C6orf89: variants seen among roughly 807,000 people sequenced by gnomAD.
C6orf89 encodes bombesin receptor-activated protein C6orf89.
In C6orf89, 29 loss-of-function variants were observed where a neutral mutation model predicts 40.7. That is an observed-to-expected ratio of 0.71 (90% CI 0.53 to 0.97). C6orf89 has a LOEUF of 0.97. C6orf89 is among the 50% of genes least tolerant of loss of function. The pLI is 0.00. For missense variants in C6orf89, 392 were observed against 429.1 expected (o/e 0.91, Z 0.76); for synonymous variants, 165 against 152.2 (o/e 1.08, Z -0.62).
At chr6:36,907,425 A>G (rs372933551) in intron 4 of C6orf89, among the ~76,000 whole-genome samples, 2 of 152,296 alleles carry the variant, frequency 1.3e-5, no homozygotes, top group East Asian at 3.9e-4. Context: ...AATAACTCTC[A>G]GGCACCAGGA....
At chr6:36,891,394 T>C (rs1761204649) in intron 1 of C6orf89, among the ~76,000 whole-genome samples, 1 of 152,222 alleles carries the variant, frequency 6.6e-6, no homozygotes, top group Non-Finnish European at 1.5e-5. Context: ...AGTCTATCAT[T>C]GATGGACATT....
At chr6:36,891,506 A>G (rs938035995) in intron 1 of C6orf89, among the ~76,000 whole-genome samples, 6 of 152,212 alleles carry the variant, frequency 3.9e-5, no homozygotes, top group Admixed American at 2.0e-4. Context: ...TTGGGTATAT[A>G]CCCAGTAATG....
upstream of C6orf89, chr6:36,885,935 G>C: frequency 8.3e-7 from 1 of 1,210,004 alleles, no homozygotes; most frequent in Non-Finnish European, 1.1e-6. Context: ...TTGCTTCCGG[G>C]TCGCGCTCCC....
In C6orf89 at chr6:36,914,450, G is replaced by C; in HGVS notation, c.555+15G>C. 2 of 1,614,072 alleles carry C rather than the reference G, an allele frequency of 1.2e-6. No individual in the cohort carries two copies. Among genetic ancestry groups the C allele is most frequent in the Non-Finnish European group, 1.7e-6 (2 of 1,179,924 alleles). The stretch of plus-strand genomic sequence containing the variant: ...TGGTGATCAAGGTGAGCAGAAGCCT[G>C]AGTCTCCCGCTGATTGGCTGCTTGC... On this transcript the variant is annotated intron_variant, in intron 5 of 8. Transcript: ENST00000480824.
rs1762607765 is a variant in C6orf89, at chr6:36,924,148, C to A, written c.*707C>A. 1 of 155,446 alleles carries A rather than the reference C, an allele frequency of 6.4e-6. No homozygotes were observed. 9.6% of individuals were successfully genotyped at this position (155,446 alleles called of 1,614,324 possible). On this transcript the variant is annotated 3_prime_UTR_variant, in exon 9 of 9. Coordinates refer to ENST00000480824, the MANE Select transcript of C6orf89 (RefSeq NM_001286635.2). ...TTTTATCCCCACTGCACCCCCTCCC[C>A]TTCTCCCTTGCCTATCTGGATGGCT...
rs1775025782 is a variant in C6orf89, at chr6:36,887,182, TCTG to T, written c.-120+1157_-120+1159del. 2.0e-5 allele frequency among the ~76,000 whole-genome samples: 3 copies of T among 151,962 alleles called. 1 individual carries two copies. The South Asian group carries it at 6.2e-4, about 32-fold the overall frequency. On this transcript the variant is annotated intron_variant, in intron 1 of 8. Coordinates refer to ENST00000480824, the MANE Select transcript of C6orf89 (RefSeq NM_001286635.2). ...CAGGCTGGAGTGCAGTGGCGTGATC[TCTG>T]CTCACTGCAAGCTCCGCCTCCCCGG...
intron 8 of C6orf89, among the ~76,000 whole-genome samples, chr6:36,920,122 C>T (rs1017999963): frequency 3.3e-5 from 5 of 152,116 alleles, no homozygotes; most frequent in Non-Finnish European, 5.9e-5. Flanking sequence ...CAATCAAGGA[C>T]TACAGGAATA....
chr6:36,904,564 G>A (rs752479572), intron 4 of C6orf89, among the ~76,000 whole-genome samples: 3 of 152,198 alleles, frequency 2.0e-5, no homozygotes, highest in South Asian at 2.1e-4. Context: ...TTAAAAACAC[G>A]TAATTATATG....
rs554865894 is a variant in C6orf89, at chr6:36,896,991, G to C, written c.-20+2388G>C. On this transcript the variant is annotated intron_variant, in intron 2 of 8. Coordinates refer to ENST00000480824, the MANE Select transcript of C6orf89 (RefSeq NM_001286635.2). Reference sequence around the variant, plus strand: ...AAAAATCCAAAAAAATTTGCTGGGCGTGGTGGTGGGTACCTGTAATCCCGC... The same window carrying C: ...AAAAATCCAAAAAAATTTGCTGGGCCTGGTGGTGGGTACCTGTAATCCCGC... Among the ~76,000 whole-genome samples the C allele has an allele frequency of 1.4e-4, 21 of 151,874 alleles. No homozygotes were observed. In the South Asian group the frequency reaches 4.4e-3, roughly 32 times the overall value.
intron 7 of C6orf89, among the ~76,000 whole-genome samples, chr6:36,917,262 A>T (rs1003659926): frequency 6.6e-6 from 1 of 152,160 alleles, no homozygotes; most frequent in South Asian, 2.1e-4. Flanking sequence ...AAAGTGTGGG[A>T]GCCTGGGAAG....
intron 1 of C6orf89, among the ~76,000 whole-genome samples, chr6:36,872,991 G>A (rs4594944): frequency 0.75 from 114,463 of 152,184 alleles, 44,130 homozygotes; most frequent in African/African-American, 0.93. Context: ...TATATGAGGA[G>A]TGTGCTAGAA....
rs756252763 is a variant in C6orf89 at position 36,927,094 on chromosome 6, T to C, written c.*3653T>C. ...AGTGAATGTAGCTGAAACACAACTG[T>C]GTCCAGCCATTTTCCTGTCTCCACA... On this transcript the variant is annotated 3_prime_UTR_variant, in exon 9 of 9. Coordinates refer to ENST00000480824, the MANE Select transcript of C6orf89 (RefSeq NM_001286635.2). 12 of 152,248 alleles carry C rather than the reference T, an allele frequency of 7.9e-5. No homozygotes were observed. The highest frequency in any genetic ancestry group is 1.8e-4 in the Non-Finnish European group (12 of 68,044). The allele number at this position is 152,248 out of a possible 1,614,324, so 9.4% of individuals were successfully genotyped here.
At position 36,877,380 on chromosome 6, in the gene C6orf89, G is replaced by T. The variant is rs181439800; in HGVS notation, c.-627-1628G>T. On this transcript the variant is annotated intron_variant, in intron 1 of 9. Transcript: ENST00000359359. ...ACAATCTCACTCTGTCGCCAGGCTG[G>T]AGTGCAGTGGCACAATCTCAGCTCA... Among the ~76,000 whole-genome samples the T allele has an allele frequency of 3.1e-3, 475 of 152,196 alleles. 2 individuals are homozygous for T. The highest frequency in any genetic ancestry group is 0.011 in the African/African-American group (441 of 41,516).
chr6:36,877,809 A>G (rs758284083), intron 1 of C6orf89, among the ~76,000 whole-genome samples: 11 of 152,326 alleles, frequency 7.2e-5, no homozygotes, highest in Non-Finnish European at 1.3e-4. Flanking sequence ...TTCTTTTTCC[A>G]TATGTGTGCC....
chr6:36,918,422 G>A (rs916560329), intron 7 of C6orf89, among the ~76,000 whole-genome samples: 1 of 152,250 alleles, frequency 6.6e-6, no homozygotes, highest in Non-Finnish European at 1.5e-5. Context: ...CTGAAGGCTA[G>A]CTGAAGACAC....
intron 1 of C6orf89, among the ~76,000 whole-genome samples, chr6:36,878,271 G>T (rs1453738808): frequency 6.6e-6 from 1 of 152,064 alleles, no homozygotes; most frequent in Non-Finnish European, 1.5e-5. Flanking sequence ...TGTTTCATTG[G>T]TTTCATACAT....
chr6:36,877,833 C>A (rs1303480219), intron 1 of C6orf89, among the ~76,000 whole-genome samples: 2 of 152,124 alleles, frequency 1.3e-5, no homozygotes, highest in Non-Finnish European at 2.9e-5. Flanking sequence ...TAGATATCCT[C>A]TTTGTGATAC....
chr6:36,873,329 C>T (rs1466888152), intron 1 of C6orf89, among the ~76,000 whole-genome samples: 1 of 152,112 alleles, frequency 6.6e-6, no homozygotes, highest in African/African-American at 2.4e-5. Flanking sequence ...ACTTAAATGT[C>T]CTTGAAATAG....
At chr6:36,890,973 T>C (rs971448333) in intron 1 of C6orf89, among the ~76,000 whole-genome samples, 6 of 150,888 alleles carry the variant, frequency 4.0e-5, no homozygotes, top group Non-Finnish European at 8.8e-5. Flanking sequence ...GTGGTTCTTA[T>C]TATAATCTAA....
Sources: allele counts gnomAD v4.1 joint callset (sites outside exome capture counted in the v4.1 genomes callset), GRCh38; gene constraint gnomAD v4.1.1; transcripts MANE v1.5; gene names NCBI Gene and HGNC (gene_info 2026-07-23, HGNC 2026-07-21).